GSN: variants seen among roughly 807,000 people sequenced by gnomAD.
GSN encodes the protein actin-depolymerizing factor.
Under a neutral mutation model 85.7 loss-of-function variants are expected in GSN, and 56 were observed. The ratio of observed to expected loss-of-function variants is 0.65; its 90% CI spans 0.53 to 0.82. GSN has a LOEUF of 0.82. Ranked by LOEUF, GSN falls within the 40% of genes least tolerant of loss-of-function variation. GSN has a pLI of 0.00. For missense variants in GSN, 857 were observed against 979.8 expected, an observed-to-expected ratio of 0.87 and a Z score of 1.67; for synonymous variants, 373 against 399.1, an observed-to-expected ratio of 0.93 and a Z score of 0.78.
Position 121,324,545 on chromosome 9 carries a change from C to A in GSN, c.1326-9C>A. ...GCACCCTGATGCTGAATCTCACTTCCCCTTCCAGGCAGGGTGCCCAGTCTA... is the reference window on the plus strand; with the variant it reads ...GCACCCTGATGCTGAATCTCACTTCACCTTCCAGGCAGGGTGCCCAGTCTA... On this transcript the variant is annotated splice_polypyrimidine_tract_variant and intron_variant, in intron 11 of 17. Transcript: ENST00000432226. 6.9e-7 allele frequency: 1 copy of A among 1,453,396 alleles called. No homozygotes were observed. Among genetic ancestry groups the A allele is most frequent in the Non-Finnish European group, 9.4e-7 (1 of 1,059,120 alleles). The allele number at this position is 1,453,396 out of a possible 1,614,324, so 90.0% of individuals were successfully genotyped here.
At chr9:121,271,932 C>T (rs1186856966) in intron 1 of GSN, among the ~76,000 whole-genome samples, 2 of 152,168 alleles carry the variant, frequency 1.3e-5, no homozygotes, top group African/African-American at 2.4e-5. Flanking sequence ...ATCTATCTGG[C>T]GAAGCCAGGA....
intron 7 of GSN, among the ~76,000 whole-genome samples, chr9:121,314,669 A>G (rs1180308093): frequency 6.6e-6 from 1 of 152,260 alleles, no homozygotes; most frequent in Non-Finnish European, 1.5e-5. Context: ...GTAAGAAAAA[A>G]AAGTATTCAA....
chr9:121,301,447 C>T (rs527468035), intron 2 of GSN, among the ~76,000 whole-genome samples: 15 of 152,100 alleles, frequency 9.9e-5, no homozygotes, highest in Admixed American at 3.9e-4. Context: ...ACCAACATGG[C>T]GAAACCCTGT....
At chr9:121,310,920 G>A (rs2061050755) in intron 5 of GSN, 75 bp downstream of exon 5, 19 of 1,343,206 alleles carry the variant, frequency 1.4e-5, no homozygotes, top group East Asian at 1.4e-4. Context: ...GTACATCCAC[G>A]TGAACAAATG....
At chr9:121,221,473 C>T (rs2054168633) in intron 4 of GSN, among the ~76,000 whole-genome samples, 1 of 152,176 alleles carries the variant, frequency 6.6e-6, no homozygotes, top group Non-Finnish European at 1.5e-5. Flanking sequence ...TTGATGGTCC[C>T]CTCTCCTGTT....
At chr9:121,275,814 G>A (rs1396598044) in intron 1 of GSN, among the ~76,000 whole-genome samples, 1 of 152,172 alleles carries the variant, frequency 6.6e-6, no homozygotes, top group African/African-American at 2.4e-5. Context: ...AATGCACTAA[G>A]GCTTCATCTT....
chr9:121,274,144 C>T (rs1360236620), intron 1 of GSN, among the ~76,000 whole-genome samples: 17 of 152,136 alleles, frequency 1.1e-4, no homozygotes, highest in South Asian at 2.1e-4. Context: ...CAGATGAAAT[C>T]GACAGATAAG....
At chr9:121,328,180 C>A (rs75724347) in intron 14 of GSN, among the ~76,000 whole-genome samples, 2 of 152,134 alleles carry the variant, frequency 1.3e-5, no homozygotes, top group Non-Finnish European at 2.9e-5. Flanking sequence ...GTGGGCCGGG[C>A]AGCTCTTCCT....
Position 121,298,102 on chromosome 9 carries a change from C to T in GSN, c.-9-3861C>T, listed in dbSNP as rs559478161. ...GGAGAACTCAGGTATCCCTCTGGGG[C>T]CCCCCACAGACACCGAGACAAAGTT... is the stretch of plus-strand genomic sequence containing the variant. On this transcript the variant is annotated intron_variant, in intron 2 of 17. Coordinates refer to ENST00000432226, the MANE Select transcript of GSN (RefSeq NM_198252.3). Among the ~76,000 whole-genome samples the T allele has an allele frequency of 2.0e-5, 3 of 152,146 alleles. No individual in the cohort carries two copies. In the South Asian group the frequency reaches 6.3e-4, roughly 32 times the overall value.
chr9:121,307,822 C>T (rs1381705386), intron 4 of GSN, among the ~76,000 whole-genome samples: 4 of 152,240 alleles, frequency 2.6e-5, no homozygotes, highest in Admixed American at 2.6e-4. Flanking sequence ...GGCTTGGTTA[C>T]ATCGGTCTCA....
chr9:121,222,291 T>C (rs966440388), intron 4 of GSN: 6 of 152,190 alleles, frequency 3.9e-5, no homozygotes, highest in Non-Finnish European at 8.8e-5. Flanking sequence ...TTAATGAAGA[T>C]AGGATCATAC....
At chr9:121,312,306 G>A (rs187508681) in intron 5 of GSN, 33 bp from the exon 6 acceptor site, 75 of 1,612,726 alleles carry the variant, frequency 4.7e-5, no homozygotes, top group Admixed American at 4.3e-4. Flanking sequence ...ATAGGAAGGC[G>A]GGGCACTGAC....
intron 10 of GSN, among the ~76,000 whole-genome samples, chr9:121,320,282 C>T (rs552503810): frequency 1.2e-4 from 18 of 152,342 alleles, no homozygotes; most frequent in African/African-American, 4.1e-4. Context: ...CAGAACGCTG[C>T]GGAGACCTGC....
chr9:121,217,080 C>T (rs1002616241), intron 4 of GSN, among the ~76,000 whole-genome samples: 1 of 152,160 alleles, frequency 6.6e-6, no homozygotes, highest in Non-Finnish European at 1.5e-5. Flanking sequence ...TCAACTTTGG[C>T]TGGGCACATT....
At chr9:121,202,749 A>C in the GSN span, among the ~76,000 whole-genome samples, 1 of 152,230 alleles carries the variant, frequency 6.6e-6, no homozygotes, top group African/African-American at 2.4e-5. Context: ...TTACAACTGC[A>C]TTGATATAAA....
In GSN at chr9:121,303,011, G is replaced by A. The variant is rs1385651320; in HGVS notation, c.297G>A (p.Gln99=). ...GGGCCGTGCAGCACCGTGAGGTCCA[G>A]GGCTTCGAGTCGGCCACCTTCCTAG... is the stretch of plus-strand genomic sequence containing the variant. ...NGRAVQHREV[Q]GFESATFLGY... is the part of the protein sequence containing the mutation. Residue 99 remains glutamine (Q), a synonymous_variant, in exon 4 of 18, where the codon CAG becomes CAA. Coordinates refer to ENST00000432226, the MANE Select transcript of GSN (RefSeq NM_198252.3). 1.2e-6 allele frequency: 2 copies of A among 1,613,926 alleles called. No individual in the cohort carries two copies. Among genetic ancestry groups the A allele is most frequent in the African/African-American group, 1.3e-5 (1 of 74,930 alleles).
intron 2 of GSN, chr9:121,300,135 C>T (rs1313755912): frequency 6.3e-7 from 1 of 1,593,292 alleles, no homozygotes. Context: ...TTGTAAGTAT[C>T]TCTTGCTGCT....
intron 2 of GSN, among the ~76,000 whole-genome samples, chr9:121,210,013 A>G (rs1297473438): frequency 6.6e-6 from 1 of 152,212 alleles, no homozygotes; most frequent in Non-Finnish European, 1.5e-5. Flanking sequence ...TGCACAATAG[A>G]CCAGTCAAGA....
upstream of GSN, among the ~76,000 whole-genome samples, chr9:121,266,309 T>C (rs2132295034): frequency 6.6e-6 from 1 of 152,352 alleles, no homozygotes; most frequent in South Asian, 2.1e-4. Flanking sequence ...TCCACCTCCC[T>C]TTGTCTGAGA....
Sources: allele counts gnomAD v4.1 joint callset (sites outside exome capture counted in the v4.1 genomes callset), GRCh38; gene constraint gnomAD v4.1.1; transcripts MANE v1.5; gene names NCBI Gene and HGNC (gene_info 2026-07-23, HGNC 2026-07-21).